SLC24A3: variants seen among roughly 807,000 people sequenced by gnomAD.
SLC24A3 encodes solute carrier family 24 member 3, also known as sodium/potassium/calcium exchanger 3.
Under a neutral mutation model 75.8 loss-of-function variants are expected in SLC24A3, and 28 were observed. That is an observed-to-expected ratio of 0.37 (90% CI 0.27 to 0.51). The LOEUF (loss-of-function observed/expected upper bound fraction) is 0.51. Ranked by LOEUF, SLC24A3 falls within the 20% of genes least tolerant of loss-of-function variation. SLC24A3 has a pLI of 0.94. For missense variants in SLC24A3, 663 were observed against 847.8 expected, an observed-to-expected ratio of 0.78 and a Z score of 2.71; for synonymous variants, 372 against 334.1, an observed-to-expected ratio of 1.11 and a Z score of -1.24.
intron 2 of SLC24A3, among the ~76,000 whole-genome samples, chr20:19,482,335 C>T (rs1429363330): frequency 2.0e-5 from 3 of 152,120 alleles, no homozygotes; most frequent in Non-Finnish European, 4.4e-5. Flanking sequence ...GTCCTCCCTC[C>T]CCCAGGCTTC....
intron 3 of SLC24A3, among the ~76,000 whole-genome samples, chr20:19,522,542 A>G (rs1398949600): frequency 3.3e-5 from 5 of 152,224 alleles, no homozygotes; most frequent in African/African-American, 1.2e-4. Flanking sequence ...AACGCATGGT[A>G]GGTGCTCCGT....
chr20:19,558,842 C>T (rs2030830071), intron 3 of SLC24A3, among the ~76,000 whole-genome samples: 1 of 152,158 alleles, frequency 6.6e-6, no homozygotes, highest in Non-Finnish European at 1.5e-5. Flanking sequence ...ACAAGAAGAA[C>T]TCCATTGTAT....
chr20:19,590,600 T>A (rs1044057933), intron 6 of SLC24A3, among the ~76,000 whole-genome samples: 1 of 152,188 alleles, frequency 6.6e-6, no homozygotes, highest in Non-Finnish European at 1.5e-5. Flanking sequence ...GAAGGCCTCA[T>A]CCAGGAGCCA....
intron 1 of SLC24A3, among the ~76,000 whole-genome samples, chr20:19,248,298 T>C (rs1028973872): frequency 3.9e-5 from 6 of 152,204 alleles, no homozygotes; most frequent in African/African-American, 1.4e-4. Context: ...TTCATCATGC[T>C]GCAGTAGTAC....
intron 15 of SLC24A3, among the ~76,000 whole-genome samples, chr20:19,715,446 GTCTT>G (rs2033034800): frequency 6.6e-6 from 1 of 152,180 alleles, no homozygotes; most frequent in African/African-American, 2.4e-5. Context: ...TATGACTTGA[GTCTT>G]CCTTTATTCT....
chr20:19,405,847 G>T (rs1986634907), intron 2 of SLC24A3, among the ~76,000 whole-genome samples: 3 of 152,316 alleles, frequency 2.0e-5, no homozygotes, highest in African/African-American at 4.8e-5. Flanking sequence ...TTTTTGGCAG[G>T]TGTAGAAGGA....
At chr20:19,649,135 C>T (rs971891756) in intron 6 of SLC24A3, among the ~76,000 whole-genome samples, 9 of 152,174 alleles carry the variant, frequency 5.9e-5, no homozygotes, top group African/African-American at 1.9e-4. Flanking sequence ...CCTACTGTGG[C>T]TTGGGGGACA....
intron 6 of SLC24A3, among the ~76,000 whole-genome samples, chr20:19,610,008 GAAACTCAGGTGGA>G (rs2031650766): frequency 1.3e-5 from 2 of 152,194 alleles, no homozygotes; most frequent in Admixed American, 1.3e-4. Context: ...CGCAGACCAG[GAAACTCAGGTGGA>G]AAACTGCTCA....
chr20:19,582,823 T>C (rs1413221001), intron 4 of SLC24A3, among the ~76,000 whole-genome samples: 4 of 151,546 alleles, frequency 2.6e-5, no homozygotes, highest in African/African-American at 9.7e-5. Context: ...GCGCAGCGAG[T>C]GGAAGGGCCT....
chr20:19,666,286 C>G (rs1376650414), intron 8 of SLC24A3, among the ~76,000 whole-genome samples: 3 of 151,972 alleles, frequency 2.0e-5, no homozygotes, highest in African/African-American at 7.3e-5. Flanking sequence ...GCGGGTGGAT[C>G]ACGAGGTCAG....
intron 2 of SLC24A3, among the ~76,000 whole-genome samples, chr20:19,444,870 TTTGTTG>T (rs143149995): frequency 2.0e-5 from 3 of 151,576 alleles, no homozygotes; most frequent in South Asian, 2.1e-4. Flanking sequence ...TAATCGGCTT[TTTGTTG>T]TTGTTGTTGT....
chr20:19,678,020 G>C (rs931714212), intron 9 of SLC24A3, among the ~76,000 whole-genome samples: 5 of 151,298 alleles, frequency 3.3e-5, no homozygotes, highest in African/African-American at 9.7e-5. Flanking sequence ...CACAGGGTTG[G>C]GGGGTAAGGT....
chr20:19,522,579 G>A (rs1017079547), intron 3 of SLC24A3, among the ~76,000 whole-genome samples: 3 of 152,178 alleles, frequency 2.0e-5, no homozygotes, highest in Non-Finnish European at 2.9e-5. Flanking sequence ...GATCTTCACC[G>A]TCTCTTCCCC....
chr20:19,579,326 C>T (rs939737914), intron 3 of SLC24A3, among the ~76,000 whole-genome samples: 1 of 152,164 alleles, frequency 6.6e-6, no homozygotes, highest in Non-Finnish European at 1.5e-5. Flanking sequence ...CCAGGGAATA[C>T]CCTGGTCATA....
intron 11 of SLC24A3, 59 bp downstream of exon 11, chr20:19,684,395 A>G: frequency 6.5e-7 from 1 of 1,536,176 alleles, no homozygotes; most frequent in Admixed American, 2.0e-5. Context: ...TCTGGGAAGG[A>G]GAGAAGGTTT....
intron 2 of SLC24A3, among the ~76,000 whole-genome samples, chr20:19,393,327 A>G (rs1008644985): frequency 3.9e-5 from 6 of 152,184 alleles, no homozygotes; most frequent in Non-Finnish European, 7.4e-5. Flanking sequence ...ACTAGAAATG[A>G]GGATGCCTGC....
intron 4 of SLC24A3, among the ~76,000 whole-genome samples, chr20:19,583,452 G>T (rs1166305054): frequency 6.6e-6 from 1 of 152,152 alleles, no homozygotes; most frequent in East Asian, 1.9e-4. Flanking sequence ...GAGCTGGGGA[G>T]GGCTTTTCAG....
intron 2 of SLC24A3, among the ~76,000 whole-genome samples, chr20:19,499,409 TCTC>T (rs781443410): frequency 7.2e-5 from 11 of 152,040 alleles, no homozygotes; most frequent in Non-Finnish European, 1.3e-4. Flanking sequence ...ACCTCTGACT[TCTC>T]CTTGTATTCT....
intron 6 of SLC24A3, among the ~76,000 whole-genome samples, chr20:19,598,362 G>A (rs1451830303): frequency 1.3e-5 from 2 of 152,108 alleles, no homozygotes; most frequent in African/African-American, 4.8e-5. Context: ...ACCATCTAGG[G>A]CAATGGGAGG....
Sources: gnomAD v4.1 joint callset for allele counts (sites outside exome capture counted in the v4.1 genomes callset) on GRCh38, gnomAD v4.1.1 for gene constraint, MANE v1.5 for transcripts, NCBI Gene and HGNC (gene_info 2026-07-23, HGNC 2026-07-21) for gene names.